HIRA: variants seen among roughly 807,000 people sequenced by gnomAD.
The protein encoded by HIRA is protein HIRA.
HIRA carries 13 observed loss-of-function variants against 126.6 expected under a neutral mutation model. The observed-to-expected ratio is 0.10, with a 90% CI of 0.07 to 0.16. The LOEUF (loss-of-function observed/expected upper bound fraction) is 0.16, where lower values mean the gene tolerates loss of function less well. HIRA is among the 10% of genes least tolerant of loss of function. HIRA has a pLI of 1.00. For missense variants in HIRA, 834 were observed against 1,314.4 expected (o/e 0.63, Z 5.65); for synonymous variants, 511 against 520.0 (o/e 0.98, Z 0.24).
Position 19,427,604 on chromosome 22 carries a change from T to C in HIRA, c.37+3836A>G, listed in dbSNP as rs147864183. On this transcript the variant is annotated intron_variant, in intron 1 of 24. Coordinates refer to ENST00000263208, the MANE Select transcript of HIRA (RefSeq NM_003325.4). ...TGATTACCAGCAAATTACCCTGTTC[T>C]TGAAAATTTCCCAAATCCCTTTTCA... Among the ~76,000 whole-genome samples, 909 of 152,342 alleles carry C rather than the reference T, an allele frequency of 6.0e-3. 10 individuals are homozygous for C. Among genetic ancestry groups the C allele is most frequent in the African/African-American group, 0.021 (861 of 41,572 alleles).
chr22:19,342,455 C>T (rs782672477), intron 24 of HIRA, among the ~76,000 whole-genome samples: 24 of 152,226 alleles, frequency 1.6e-4, no homozygotes, highest in African/African-American at 2.2e-4. Flanking sequence ...GGCACGATCT[C>T]GGCTCACTGG....
chr22:19,342,626 G>A (rs1556007892), intron 24 of HIRA, among the ~76,000 whole-genome samples: 1 of 152,196 alleles, frequency 6.6e-6, no homozygotes, highest in Non-Finnish European at 1.5e-5. Flanking sequence ...GACCTCAGGT[G>A]ATCTTTCCGC....
chr22:19,364,234 TAA>T (rs1394722362), intron 15 of HIRA, among the ~76,000 whole-genome samples: 2 of 151,830 alleles, frequency 1.3e-5, no homozygotes, highest in East Asian at 3.9e-4. Context: ...TGTAGTTACG[TAA>T]GCAAAGCAGG....
chr22:19,428,276 T>A (rs984705403), intron 1 of HIRA, among the ~76,000 whole-genome samples: 1 of 152,348 alleles, frequency 6.6e-6, no homozygotes, highest in East Asian at 1.9e-4. Context: ...TGGCTACCAA[T>A]GGACATTGGC....
intron 18 of HIRA, among the ~76,000 whole-genome samples, chr22:19,358,871 C>A (rs1434330934): frequency 1.3e-5 from 2 of 152,150 alleles, no homozygotes; most frequent in African/African-American, 4.8e-5. Flanking sequence ...TGACTAATCA[C>A]TGAATCAAGG....
chr22:19,431,019 G>A (rs1225500540), intron 1 of HIRA, among the ~76,000 whole-genome samples: 1 of 152,208 alleles, frequency 6.6e-6, no homozygotes, highest in Non-Finnish European at 1.5e-5. Flanking sequence ...CCCTCTTGCA[G>A]ATTTCGGATC....
At position 19,390,601 on chromosome 22, in the gene HIRA, CAAAAAAAAAA is replaced by C. The variant is rs575050947; in HGVS notation, c.936+1490_936+1499del. Among the ~76,000 whole-genome samples the C allele has an allele frequency of 3.4e-3, 130 of 38,342 alleles. 2 individuals are homozygous for C. The highest frequency in any genetic ancestry group is 0.011 in the African/African-American group (122 of 11,456). The allele number at this position is 38,342 out of a possible 152,430, so 25.2% of individuals were successfully genotyped here. On this transcript the variant is annotated intron_variant, in intron 9 of 24. Transcript: ENST00000263208. ...TGGGCAATAGAGGGAGACTCTGTCT[CAAAAAAAAAA>C]AAAAAAAAAAAAAAAAGAAGCTGAA...
chr22:19,428,380 A>G (rs2146262998), intron 1 of HIRA, among the ~76,000 whole-genome samples: 1 of 152,348 alleles, frequency 6.6e-6, no homozygotes, highest in East Asian at 1.9e-4. Context: ...TCTGGTGGGT[A>G]GAGGCCAAGG....
At chr22:19,373,831 C>T (rs1454887307) in intron 15 of HIRA, among the ~76,000 whole-genome samples, 1 of 151,952 alleles carries the variant, frequency 6.6e-6, no homozygotes, top group Admixed American at 6.6e-5. Flanking sequence ...TGGCTTAGAC[C>T]CCAGGCCTTG....
intron 23 of HIRA, among the ~76,000 whole-genome samples, chr22:19,352,944 C>T (rs1410151155): frequency 1.3e-5 from 2 of 152,242 alleles, no homozygotes; most frequent in African/African-American, 4.8e-5. Flanking sequence ...TCAGTAAGTG[C>T]AGGACATCAG....
At chr22:19,430,597 T>A (rs184025300) in intron 1 of HIRA, among the ~76,000 whole-genome samples, 2 of 137,774 alleles carry the variant, frequency 1.5e-5, no homozygotes, top group Non-Finnish European at 1.5e-5. Flanking sequence ...GGAGTCTCCC[T>A]GGGTTGATTT....
At chr22:19,354,181 C>T (rs1556011811) in intron 21 of HIRA, 63 bp from the exon 22 acceptor site, 4 of 1,538,910 alleles carry the variant, frequency 2.6e-6, no homozygotes, top group African/African-American at 1.4e-5. Flanking sequence ...GCCTCTTTGC[C>T]AACCAGAGAA....
At position 19,361,267 on chromosome 22, in the gene HIRA, A is replaced by T. The variant is rs142169501; in HGVS notation, c.2055T>A (p.Ile685=). The change falls in exon 17 of 25, where the codon ATT becomes ATA. Residue 685 remains isoleucine, a synonymous_variant. Transcript: ENST00000263208. The part of the protein sequence containing the change: ...SAPALALKLP[I]PSPQRAFTLQ... ...GGGTGAATGCTCTCTGGGGGCTTGGAATTGGCAGCTTCAGTGCAAGTGCTG... is the reference window on the plus strand; with the variant it reads ...GGGTGAATGCTCTCTGGGGGCTTGGTATTGGCAGCTTCAGTGCAAGTGCTG... The T allele has an allele frequency of 1.2e-6, 2 of 1,614,074 alleles. No individual in the cohort carries two copies. Among genetic ancestry groups the T allele is most frequent in the African/African-American group, 2.7e-5 (2 of 74,922 alleles).
intron 12 of HIRA, among the ~76,000 whole-genome samples, chr22:19,384,717 C>T (rs1409943572): frequency 6.6e-6 from 1 of 151,616 alleles, no homozygotes; most frequent in Non-Finnish European, 1.5e-5. Flanking sequence ...TGCAGTGGCG[C>T]AGTCTCGGCA....
chr22:19,360,693 C>T (rs1372530642), intron 17 of HIRA, among the ~76,000 whole-genome samples: 1 of 152,208 alleles, frequency 6.6e-6, no homozygotes, highest in African/African-American at 2.4e-5. Flanking sequence ...AGATACTATG[C>T]TGGGCCAAGT....
chr22:19,378,621 T>G (rs1038802699), intron 13 of HIRA, among the ~76,000 whole-genome samples: 1 of 152,256 alleles, frequency 6.6e-6, no homozygotes, highest in Non-Finnish European at 1.5e-5. Context: ...TTGCTCTAAC[T>G]ACTCTTGTGC....
At chr22:19,374,485 T>C (rs899950544) in intron 15 of HIRA, among the ~76,000 whole-genome samples, 1 of 152,138 alleles carries the variant, frequency 6.6e-6, no homozygotes, top group African/African-American at 2.4e-5. Flanking sequence ...CAAGCATGAT[T>C]AGATTACAGA....
At chr22:19,382,507 C>A (rs919741176) in intron 13 of HIRA, among the ~76,000 whole-genome samples, 1 of 152,170 alleles carries the variant, frequency 6.6e-6, no homozygotes, top group South Asian at 2.1e-4. Context: ...TTGCTCTACT[C>A]GTGGGGACCT....
In HIRA at chr22:19,351,068, G is replaced by A. The variant is rs1729816217; in HGVS notation, c.2937+290C>T. The stretch of plus-strand genomic sequence containing the variant: ...GACCGAGCTCCACGAAGGCAGGGAA[G>A]TACCTTCCGTCTTTTGTCTTCACAA... On this transcript the variant is annotated intron_variant, in intron 24 of 24. Coordinates refer to ENST00000263208, the MANE Select transcript of HIRA (RefSeq NM_003325.4). This position sits in a 1 kb window ranked among gnomAD's most constrained non-coding sequence, Gnocchi z 4.8. 2.1e-6 allele frequency: 2 copies of A among 947,152 alleles called. No individual in the cohort carries two copies. The highest frequency in any genetic ancestry group is 2.5e-6 in the Non-Finnish European group (2 of 795,108). The allele number at this position is 947,152 out of a possible 1,614,324, so 58.7% of individuals were successfully genotyped here. A position where few individuals can be genotyped will look rare whatever the true frequency, so the allele number is the denominator to read the frequency against.
Sources: allele counts gnomAD v4.1 joint callset (sites outside exome capture counted in the v4.1 genomes callset), GRCh38; gene constraint gnomAD v4.1.1; non-coding constraint Gnocchi (gnomAD v3.1); transcripts MANE v1.5; gene names NCBI Gene and HGNC (gene_info 2026-07-23, HGNC 2026-07-21).